GCSH: variants seen among roughly 807,000 people sequenced by gnomAD.
GCSH encodes glycine cleavage system protein H, also known as glycine cleavage system H protein, mitochondrial.
In GCSH, 15 loss-of-function variants were observed where a neutral mutation model predicts 21.3. The ratio of observed to expected loss-of-function variants is 0.70; its 90% confidence interval spans 0.47 to 1.08. The LOEUF (loss-of-function observed/expected upper bound fraction) is 1.08, where lower values mean the gene tolerates loss of function less well. GCSH is among the 50% of genes least tolerant of loss of function. The pLI is 0.00. For missense variants in GCSH, 179 were observed against 217.5 expected, an observed-to-expected ratio of 0.82 and a Z score of 1.11; for synonymous variants, 59 against 84.5, an observed-to-expected ratio of 0.70 and a Z score of 1.66.
In GCSH at chr16:81,082,993, C is replaced by T. The variant is rs1472622108; in HGVS notation, c.425-30G>A. 6 of 1,349,798 alleles carry T rather than the reference C, an allele frequency of 4.4e-6. No homozygotes were observed. In the South Asian group the frequency reaches 5.8e-5, roughly 13 times the overall value. 83.6% of individuals were successfully genotyped at this position (1,349,798 alleles called of 1,614,324 possible). A position where few individuals can be genotyped will look rare whatever the true frequency, so the allele number is the denominator to read the frequency against. Reference sequence around the variant, plus strand: ...AACCAAAAGACAACCTTATATTCCACATTAACTTTTTAAAAAGTCAAATTC... The same window carrying T: ...AACCAAAAGACAACCTTATATTCCATATTAACTTTTTAAAAAGTCAAATTC... On this transcript the variant is annotated intron_variant, in intron 4 of 4. Coordinates refer to ENST00000315467, the MANE Select transcript of GCSH (RefSeq NM_004483.5).
At chr16:81,091,899 T>C (rs1182952535) in intron 1 of GCSH, among the ~76,000 whole-genome samples, 2 of 152,174 alleles carry the variant, frequency 1.3e-5, no homozygotes, top group African/African-American at 4.8e-5. Context: ...GATAATAGTG[T>C]GTGAGCCACC....
rs1008291494 is a variant in GCSH, at chr16:81,085,358, T to C, written c.293-764A>G. On this transcript the variant is annotated intron_variant, in intron 3 of 4. Coordinates refer to ENST00000315467, the MANE Select transcript of GCSH (RefSeq NM_004483.5). ...TAAAACCATAAGTTTTGTCAGGCTA[T>C]AATAACCACGAGAAGGGTATATATT... is the stretch of plus-strand genomic sequence containing the variant. Among the ~76,000 whole-genome samples, 6 of 152,268 alleles carry C rather than the reference T, an allele frequency of 3.9e-5. No homozygotes were observed. In the East Asian group the frequency reaches 1.2e-3, roughly 29 times the overall value.
chr16:81,088,871 C>A (rs1972336241), intron 2 of GCSH, among the ~76,000 whole-genome samples: 1 of 152,158 alleles, frequency 6.6e-6, no homozygotes, highest in African/African-American at 2.4e-5. Flanking sequence ...AAGAAGTGGT[C>A]TCTCCATCAG....
At chr16:81,085,719 G>A (rs1353435356) in intron 3 of GCSH, among the ~76,000 whole-genome samples, 3 of 152,082 alleles carry the variant, frequency 2.0e-5, no homozygotes, top group African/African-American at 7.2e-5. Context: ...AATTAGCCGG[G>A]CGTGGTGGTG....
chr16:81,086,738 C>CGAAAAAAAATTTAATT, intron 3 of GCSH, among the ~76,000 whole-genome samples: 1 of 151,840 alleles, frequency 6.6e-6, no homozygotes, highest in East Asian at 1.9e-4. Flanking sequence ...CAAATTTAAT[C>CGAAAAAAAATTTAATT]GAAAAAAAAT....
Position 81,082,935 on chromosome 16 carries a change from G to A in GCSH, c.453C>T (p.Asn151=). 2 of 1,571,734 alleles carry A rather than the reference G, an allele frequency of 1.3e-6. No individual in the cohort carries two copies. Among genetic ancestry groups the A allele is most frequent in the Non-Finnish European group, 1.8e-6 (2 of 1,141,788 alleles). The part of the protein sequence containing the change: ...DGWLIKMTLS[N]PSELDELMSE... The stretch of plus-strand genomic sequence containing the variant: ...TCATAAGTTCATCTAGTTCTGAAGG[G>A]TTACTCAGTGTCATCTTGATCAGCC... Residue 151 remains asparagine (N), a synonymous_variant, in exon 5 of 5, where the codon AAC becomes AAT. Coordinates refer to ENST00000315467, the MANE Select transcript of GCSH (RefSeq NM_004483.5).
chr16:81,084,994 C>A (rs190888645), intron 3 of GCSH, among the ~76,000 whole-genome samples: 15,339 of 142,836 alleles, frequency 0.11, 889 homozygotes, highest in East Asian at 0.21. Context: ...GGATTATAGG[C>A]ATAAGCCACT....
At chr16:81,084,976 A>G (rs1972242874) in intron 3 of GCSH, among the ~76,000 whole-genome samples, 1 of 148,824 alleles carries the variant, frequency 6.7e-6, no homozygotes, top group Non-Finnish European at 1.5e-5. Flanking sequence ...CGGCCTCCCA[A>G]AGTGCTGGGA....
rs764352089 is a variant in GCSH at position 81,082,887 on chromosome 16, G to A, written c.501C>T (p.Tyr167=). ...ELMSEEAYEK[Y]IKSIEE is the part of the protein sequence containing the mutation. ...ATTTTCACTCCTCAATAGATTTTAT[G>A]TATTTCTCATATGCTTCTTCACTCA... The change falls in exon 5 of 5, where the codon TAC becomes TAT. Residue 167 remains tyrosine, a synonymous_variant. Coordinates refer to ENST00000315467, the MANE Select transcript of GCSH (RefSeq NM_004483.5). 2.3e-6 allele frequency: 3 copies of A among 1,312,390 alleles called. No individual in the cohort carries two copies. Among genetic ancestry groups the A allele is most frequent in the East Asian group, 4.6e-5 (2 of 43,414 alleles). 81.3% of individuals were successfully genotyped at this position (1,312,390 alleles called of 1,614,324 possible). A position where few individuals can be genotyped will look rare whatever the true frequency, so the allele number is the denominator to read the frequency against.
intron 2 of GCSH, among the ~76,000 whole-genome samples, chr16:81,088,728 C>T (rs1326665346): frequency 6.6e-6 from 1 of 152,096 alleles, no homozygotes; most frequent in African/African-American, 2.4e-5. Flanking sequence ...TGGGCATGAA[C>T]ATATTTGGTG....
Position 81,086,324 on chromosome 16 carries a change from C to G in GCSH, c.292+1277G>C, listed in dbSNP as rs8177930. Among the ~76,000 whole-genome samples the G allele has an allele frequency of 4.0e-4, 57 of 141,258 alleles. 2 individuals are homozygous for G. Among genetic ancestry groups the G allele is most frequent in the African/African-American group, 1.5e-3 (49 of 31,954 alleles). 92.7% of individuals were successfully genotyped at this position (141,258 alleles called of 152,430 possible). ...AAGGCGGGTAGATCACTTGAGGTCA[C>G]GAGTTCAAGACCAGCCTGGCCAACA... On this transcript the variant is annotated intron_variant, in intron 3 of 4. Transcript: ENST00000315467.
At position 81,082,047 on chromosome 16, in the gene GCSH, A is replaced by G. The variant is rs1018871086; in HGVS notation, c.*819T>C. 2.2e-6 allele frequency: 1 copy of G among 454,000 alleles called. No homozygotes were observed. The highest frequency in any genetic ancestry group is 2.0e-5 in the African/African-American group (1 of 49,994). The allele number at this position is 454,000 out of a possible 1,614,324, so 28.1% of individuals were successfully genotyped here. The stretch of plus-strand genomic sequence containing the variant: ...CTTAAAAACACCATGTGCTATACTG[A>G]TCAAAACTTCCACCTTCCTCTGTCT... On this transcript the variant is annotated 3_prime_UTR_variant, in exon 5 of 5. Coordinates refer to ENST00000315467, the MANE Select transcript of GCSH (RefSeq NM_004483.5).
rs1972227900 is a variant in GCSH at position 81,084,309 on chromosome 16, A to G, written c.424+154T>C. ...TCTTAAACATAACTTTAAGTATTCA[A>G]CTAACCTCTGTTTTTCTTTTAAAGC... On this transcript the variant is annotated intron_variant, in intron 4 of 4. Transcript: ENST00000315467. The G allele has an allele frequency of 3.2e-5, 23 of 716,936 alleles. No homozygotes were observed. In the East Asian group the frequency reaches 4.3e-4, roughly 13 times the overall value. 44.4% of individuals were successfully genotyped at this position (716,936 alleles called of 1,614,324 possible).
chr16:81,087,565 T>C lies in GCSH; in HGVS notation c.292+36A>G, dbSNP rs760753079. ...TACTATTCAATGTAAACAAAATTCA[T>C]GGCATGGATCATTCTAAGATCCTAA... is the stretch of plus-strand genomic sequence containing the variant. On this transcript the variant is annotated intron_variant, in intron 3 of 4. Transcript: ENST00000315467. 7.8e-6 allele frequency: 11 copies of C among 1,402,368 alleles called. 1 individual carries two copies. The South Asian group carries it at 1.2e-4, about 15-fold the overall frequency. The allele number at this position is 1,402,368 out of a possible 1,614,324, so 86.9% of individuals were successfully genotyped here.
At chr16:81,092,101 T>G (rs1365688664) in intron 1 of GCSH, among the ~76,000 whole-genome samples, 1 of 152,176 alleles carries the variant, frequency 6.6e-6, no homozygotes, top group Non-Finnish European at 1.5e-5. Flanking sequence ...TTAAGATGTG[T>G]ACACTGTGTT....
chr16:81,091,982 C>T (rs1458726851), intron 1 of GCSH, among the ~76,000 whole-genome samples: 1 of 151,828 alleles, frequency 6.6e-6, no homozygotes, highest in Non-Finnish European at 1.5e-5. Flanking sequence ...AAGTTCATAC[C>T]CCTTCAGTGG....
At chr16:81,095,511 T>G (rs60303302) in intron 1 of GCSH, among the ~76,000 whole-genome samples, 131,436 of 151,346 alleles carry the variant, frequency 0.87, 57,527 homozygotes, top group South Asian at 0.97. Flanking sequence ...GCCTCCCGAG[T>G]AGCTGGGATT....
At position 81,090,633 on chromosome 16, in the gene GCSH, T is replaced by A. The variant is rs368716465; in HGVS notation, c.196A>T (p.Ile66Phe). Residue 66 changes from isoleucine (I) to phenylalanine (F), a missense_variant, in exon 2 of 5, where the codon ATT becomes TTT. Coordinates refer to ENST00000315467, the MANE Select transcript of GCSH (RefSeq NM_004483.5). The part of the protein sequence containing the change: ...KHEWVTTENG[I>F]GTVGISNFAQ... ...AAATTGCTGATTCCCACTGTTCCAATGCCATTTTCTGTTGTTACCCATTCG... is the reference window on the plus strand; with the variant it reads ...AAATTGCTGATTCCCACTGTTCCAAAGCCATTTTCTGTTGTTACCCATTCG... 41 of 1,612,374 alleles carry A rather than the reference T, an allele frequency of 2.5e-5. No homozygotes were observed. Among genetic ancestry groups the A allele is most frequent in the Non-Finnish European group, 3.4e-5 (40 of 1,178,576 alleles).
intron 1 of GCSH, 89 bp from the exon 2 acceptor site, chr16:81,090,769 CA>C (rs1429475280): frequency 2.2e-6 from 2 of 925,946 alleles, no homozygotes; most frequent in Non-Finnish European, 3.6e-6. Context: ...AAGACTTTCC[CA>C]GAATTTCTGT....
Sources: gnomAD v4.1 joint callset for allele counts (sites outside exome capture counted in the v4.1 genomes callset) on GRCh38, gnomAD v4.1.1 for gene constraint, MANE v1.5 for transcripts, NCBI Gene and HGNC (gene_info 2026-07-23, HGNC 2026-07-21) for gene names.